Variants in PRKCH observed in about 807,000 individuals in gnomAD.
PRKCH encodes the protein protein kinase C eta, also known as protein kinase C eta type.
A neutral mutation model predicts 82.5 loss-of-function variants in PRKCH; 28 were observed. The ratio of observed to expected loss-of-function variants is 0.34; its 90% CI spans 0.25 to 0.47. PRKCH has a LOEUF of 0.47. Ranked by LOEUF, PRKCH falls within the 20% of genes least tolerant of loss-of-function variation. The pLI is 1.00. For synonymous variants in PRKCH, 322 were observed against 327.4 expected (o/e 0.98, Z 0.18); for missense variants, 705 against 881.8 (o/e 0.80, Z 2.54).
intron 1 of PRKCH, among the ~76,000 whole-genome samples, chr14:61,251,246 T>C (rs1011391893): frequency 4.6e-5 from 7 of 152,214 alleles, no homozygotes; most frequent in Non-Finnish European, 8.8e-5. Flanking sequence ...AAATGTACAA[T>C]TAAATTGTTA....
chr14:61,243,383 C>CAAAAAAAAAAAAA lies in PRKCH; in HGVS notation c.-19+55722_-19+55734dup, dbSNP rs10555022. ...TGGGCGACAGAGAAAGACTCTGTCT[C>CAAAAAAAAAAAAA]AAAAAAAAAAAAAAAAAAAGAAAAA... is the stretch of plus-strand genomic sequence containing the variant. On this transcript the variant is annotated intron_variant, in intron 1 of 3. Coordinates refer to the PRKCH transcript ENST00000555185. Among the ~76,000 whole-genome samples, 4 of 103,380 alleles carry CAAAAAAAAAAAAA rather than the reference C, an allele frequency of 3.9e-5. 1 individual carries two copies. Among genetic ancestry groups the CAAAAAAAAAAAAA allele is most frequent in the East Asian group, 5.4e-4 (2 of 3,714 alleles). 67.8% of individuals were successfully genotyped at this position (103,380 alleles called of 152,430 possible).
At chr14:61,335,341 C>T (rs760943924) in intron 1 of PRKCH, among the ~76,000 whole-genome samples, 14 of 151,978 alleles carry the variant, frequency 9.2e-5, no homozygotes, top group African/African-American at 1.9e-4. Flanking sequence ...AAGTTTATTC[C>T]GTATTTTTCA....
chr14:61,310,525 G>T (rs1184111247), intron 1 of PRKCH, among the ~76,000 whole-genome samples: 1 of 152,192 alleles, frequency 6.6e-6, no homozygotes, highest in Non-Finnish European at 1.5e-5. Context: ...GGCTCCCATG[G>T]CCTTGGGCAG....
intron 2 of PRKCH, among the ~76,000 whole-genome samples, chr14:61,431,855 A>C (rs1594699150): frequency 6.6e-6 from 1 of 152,138 alleles, no homozygotes; most frequent in Non-Finnish European, 1.5e-5. Context: ...GCTGCATTGC[A>C]TGTCTTTTGG....
intron 12 of PRKCH, among the ~76,000 whole-genome samples, chr14:61,536,089 G>T (rs1303289990): frequency 2.0e-5 from 3 of 152,198 alleles, no homozygotes; most frequent in Non-Finnish European, 4.4e-5. Context: ...AAGAGCTAAT[G>T]ATGTGAGCCA....
chr14:61,457,506 G>T lies in PRKCH; in HGVS notation c.1105G>T (p.Val369Leu). The change falls in exon 9 of 14, where the codon GTG becomes TTG. Residue 369 changes from valine to leucine, a missense_variant and splice_region_variant. By Grantham distance (32) the Val-to-Leu change is conservative. Around this residue, in one of 5 missense-constraint regions of PRKCH, gnomAD observed 238 missense variants for 258.1 expected, o/e 0.92. Coordinates refer to ENST00000332981, the MANE Select transcript of PRKCH (RefSeq NM_006255.5). ...RVLGKGSFGK[V>L]MLARVKETGD... The stretch of plus-strand genomic sequence containing the variant: ...GCTCCCTCCTTTTGCTTTGCCATAG[G>T]TGATGCTTGCAAGAGTAAAAGAAAC... The T allele has an allele frequency of 6.2e-7, 1 of 1,613,952 alleles. No homozygotes were observed. Among genetic ancestry groups the T allele is most frequent in the Non-Finnish European group, 8.5e-7 (1 of 1,179,902 alleles).
intron 2 of PRKCH, among the ~76,000 whole-genome samples, chr14:61,402,818 AAAAG>A (rs201404875): frequency 0.062 from 9,422 of 151,598 alleles, 934 homozygotes; most frequent in African/African-American, 0.22. Context: ...AAAAAAAGAA[AAAAG>A]AAAGAATCTA....
At chr14:61,327,544 A>T (rs1158982274) in intron 1 of PRKCH, among the ~76,000 whole-genome samples, 1 of 152,202 alleles carries the variant, frequency 6.6e-6, no homozygotes, top group African/African-American at 2.4e-5. Flanking sequence ...CTACAGTGGG[A>T]CCGGCTGCTT....
intron 10 of PRKCH, among the ~76,000 whole-genome samples, chr14:61,505,251 G>T (rs1323443705): frequency 6.6e-6 from 1 of 152,144 alleles, no homozygotes; most frequent in Non-Finnish European, 1.5e-5. Context: ...AGGCTGGAAA[G>T]TGCAAGGTCA....
chr14:61,316,716 C>T (rs750287442), upstream of PRKCH, among the ~76,000 whole-genome samples: 16 of 152,178 alleles, frequency 1.1e-4, no homozygotes, highest in Non-Finnish European at 1.8e-4. Flanking sequence ...CTGCTCCCTA[C>T]CTGACCTTAT....
In PRKCH at chr14:61,355,964, A is replaced by T. The variant is rs565643663; in HGVS notation, c.363+33500A>T. Among the ~76,000 whole-genome samples, 36 of 152,258 alleles carry T rather than the reference A, an allele frequency of 2.4e-4. 1 individual carries two copies. In the South Asian group the frequency reaches 7.3e-3, roughly 31 times the overall value. On this transcript the variant is annotated intron_variant, in intron 1 of 13. Coordinates refer to ENST00000332981, the MANE Select transcript of PRKCH (RefSeq NM_006255.5). ...TATACTTGGTAGAAACTGGCAAGTGACTCACCAGGGGTGGAAGCCTGGAAA... is the reference window on the plus strand; with the variant it reads ...TATACTTGGTAGAAACTGGCAAGTGTCTCACCAGGGGTGGAAGCCTGGAAA...
intron 1 of PRKCH, chr14:61,278,314 T>C (rs1412012406): frequency 6.6e-6 from 1 of 152,210 alleles, no homozygotes; most frequent in Non-Finnish European, 1.5e-5. Context: ...ATAATAAAAT[T>C]GTGTCGTGTT....
upstream of PRKCH, among the ~76,000 whole-genome samples, chr14:61,317,149 T>C (rs192069894): frequency 1.3e-5 from 2 of 152,362 alleles, no homozygotes; most frequent in African/African-American, 4.8e-5. Context: ...GCTTTTGCCA[T>C]GTCTTGGGTG....
chr14:61,200,837 G>T (rs1438923140), intron 1 of PRKCH, among the ~76,000 whole-genome samples: 1 of 151,904 alleles, frequency 6.6e-6, no homozygotes, highest in Admixed American at 6.6e-5. Flanking sequence ...TTCATCATAG[G>T]TATGTATGTA....
chr14:61,227,426 T>C (rs2044705481), intron 1 of PRKCH, among the ~76,000 whole-genome samples: 2 of 152,076 alleles, frequency 1.3e-5, no homozygotes, highest in Non-Finnish European at 2.9e-5. Context: ...ACCCCGTCTC[T>C]ACTAAAAAAT....
intron 1 of PRKCH, among the ~76,000 whole-genome samples, chr14:61,385,529 T>C (rs1222148794): frequency 1.3e-5 from 2 of 152,178 alleles, no homozygotes; most frequent in Non-Finnish European, 2.9e-5. Flanking sequence ...AGAGCGCCCA[T>C]GTATTCTCGC....
Position 61,504,117 on chromosome 14 carries a change from G to T in PRKCH, c.1433+18461G>T, listed in dbSNP as rs139449272. Among the ~76,000 whole-genome samples, 120 of 152,194 alleles carry T rather than the reference G, an allele frequency of 7.9e-4. No homozygotes were observed. The Middle Eastern group carries it at 0.01, about 13-fold the overall frequency. On this transcript the variant is annotated intron_variant, in intron 10 of 13. Coordinates refer to ENST00000332981, the MANE Select transcript of PRKCH (RefSeq NM_006255.5). ...TAGGTCAGACCCCATGTCATCATTT[G>T]CCCAGAAAAGTCCCAGTTTGCTCCC...
chr14:61,453,365 CTT>C lies in PRKCH; in HGVS notation c.960+18_960+19del, dbSNP rs777683146. 6.2e-7 allele frequency: 1 copy of C among 1,609,514 alleles called. No individual in the cohort carries two copies. The highest frequency in any genetic ancestry group is 1.7e-5 in the Admixed American group (1 of 59,542). On this transcript the variant is annotated intron_variant, in intron 7 of 13. Coordinates refer to ENST00000332981, the MANE Select transcript of PRKCH (RefSeq NM_006255.5). ...TTTCTCCAACCTCGGTGAGACTTTG[CTT>C]TTTTTCCATGTCTCGTAATTTAGAA...
chr14:61,485,723 T>G, intron 10 of PRKCH, 67 bp downstream of exon 10: 1 of 1,504,482 alleles, frequency 6.6e-7, no homozygotes, highest in Non-Finnish European at 9.0e-7. Flanking sequence ...TGATCCATCC[T>G]TCCACTTCTC....
Sources: gnomAD v4.1 joint callset for allele counts (sites outside exome capture counted in the v4.1 genomes callset) on GRCh38, gnomAD v4.1.1 for gene constraint, gnomAD v4.1.1 regional missense constraint, MANE v1.5 for transcripts, NCBI Gene and HGNC (gene_info 2026-07-23, HGNC 2026-07-21) for gene names.